MMP16: variants seen among roughly 807,000 people sequenced by gnomAD.
MMP16 encodes matrix metallopeptidase 16.
MMP16 carries 12 observed loss-of-function variants against 67.8 expected under a neutral mutation model. The ratio of observed to expected loss-of-function variants is 0.18; its 90% confidence interval spans 0.11 to 0.29. The LOEUF (loss-of-function observed/expected upper bound fraction) is 0.29, where lower values mean the gene tolerates loss of function less well. Ranked by LOEUF, MMP16 falls within the 10% of genes least tolerant of loss-of-function variation. MMP16 has a pLI of 1.00. For missense variants in MMP16, 475 were observed against 765.7 expected (o/e 0.62, Z 4.48); for synonymous variants, 249 against 255.9 (o/e 0.97, Z 0.26).
At chr8:88,043,725 A>G (rs568702226) in intron 9 of MMP16, among the ~76,000 whole-genome samples, 2 of 152,282 alleles carry the variant, frequency 1.3e-5, no homozygotes, top group South Asian at 2.1e-4. Context: ...ACAGTTTTGC[A>G]ATGAGAGCAA....
intron 1 of MMP16, among the ~76,000 whole-genome samples, chr8:88,300,245 T>C (rs1811077120): frequency 2.0e-5 from 3 of 152,206 alleles, no homozygotes; most frequent in Admixed American, 1.3e-4. Flanking sequence ...TCATACTTTC[T>C]ATGTTAAATA....
intron 1 of MMP16, among the ~76,000 whole-genome samples, chr8:88,231,887 A>C (rs1478402814): frequency 6.6e-6 from 1 of 152,212 alleles, no homozygotes; most frequent in Non-Finnish European, 1.5e-5. Context: ...TTTATGTTAT[A>C]ATCTTGAAAA....
intron 9 of MMP16, among the ~76,000 whole-genome samples, chr8:88,042,684 T>C (rs1808148604): frequency 6.6e-6 from 1 of 152,166 alleles, no homozygotes; most frequent in South Asian, 2.1e-4. Context: ...TGTGGGAGGC[T>C]CAAGTAACTC....
intron 1 of MMP16, among the ~76,000 whole-genome samples, chr8:88,294,701 T>C (rs1810986150): frequency 6.6e-6 from 1 of 152,084 alleles, no homozygotes; most frequent in African/African-American, 2.4e-5. Context: ...AATATTAGAA[T>C]TGATTTATTT....
chr8:88,258,428 A>C (rs1172983621), intron 1 of MMP16, among the ~76,000 whole-genome samples: 1 of 152,166 alleles, frequency 6.6e-6, no homozygotes, highest in Non-Finnish European at 1.5e-5. Context: ...ATGCCTGTCT[A>C]ATGCCATATC....
chr8:88,183,342 ACT>A (rs907187019), intron 3 of MMP16, among the ~76,000 whole-genome samples: 140 of 152,084 alleles, frequency 9.2e-4, no homozygotes, highest in African/African-American at 3.2e-3. Context: ...AACTCTGTGA[ACT>A]CTCTGTACTA....
intron 1 of MMP16, among the ~76,000 whole-genome samples, chr8:88,199,892 T>G (rs1338688986): frequency 6.6e-6 from 1 of 152,032 alleles, no homozygotes; most frequent in African/African-American, 2.4e-5. Context: ...TGTGCCTTAA[T>G]GTCTTTTCAA....
intron 5 of MMP16, 77 bp from the exon 6 acceptor site, chr8:88,116,795 C>T: frequency 7.8e-7 from 1 of 1,283,954 alleles, no homozygotes; most frequent in Non-Finnish European, 1.1e-6. Flanking sequence ...AGAGAACAAT[C>T]ACTTATCAGC....
At chr8:88,093,431 T>C (rs1174727386) in intron 6 of MMP16, among the ~76,000 whole-genome samples, 1 of 151,796 alleles carries the variant, frequency 6.6e-6, no homozygotes, top group African/African-American at 2.4e-5. Flanking sequence ...TGTTCAGTGA[T>C]TCCTTTTAAG....
chr8:88,123,040 G>A (rs1807866680), intron 4 of MMP16, among the ~76,000 whole-genome samples: 2 of 151,836 alleles, frequency 1.3e-5, no homozygotes, highest in African/African-American at 4.8e-5. Context: ...ACCTGGCTAA[G>A]CTGCTCCTGG....
At chr8:88,317,512 T>G (rs1163232581) in intron 1 of MMP16, among the ~76,000 whole-genome samples, 1 of 152,226 alleles carries the variant, frequency 6.6e-6, no homozygotes, top group Non-Finnish European at 1.5e-5. Flanking sequence ...ATAACTTTTA[T>G]ATGCACTGGG....
intron 1 of MMP16, among the ~76,000 whole-genome samples, chr8:88,283,646 TCA>T (rs1422803918): frequency 6.6e-6 from 1 of 152,144 alleles, no homozygotes; most frequent in Non-Finnish European, 1.5e-5. Context: ...TCTAAAATCC[TCA>T]CCTCCACTGA....
At chr8:88,049,783 G>A (rs1454289917) in intron 8 of MMP16, among the ~76,000 whole-genome samples, 6 of 152,152 alleles carry the variant, frequency 3.9e-5, no homozygotes, top group Non-Finnish European at 7.4e-5. Flanking sequence ...CAGCACTTTG[G>A]GAGGCCAAGA....
At chr8:88,077,211 C>T (rs1358858984) in intron 6 of MMP16, among the ~76,000 whole-genome samples, 1 of 152,166 alleles carries the variant, frequency 6.6e-6, no homozygotes, top group African/African-American at 2.4e-5. Flanking sequence ...TCAACTTATC[C>T]TCAGTTTAGC....
At chr8:88,285,842 G>A (rs148262661) in intron 1 of MMP16, among the ~76,000 whole-genome samples, 14 of 152,036 alleles carry the variant, frequency 9.2e-5, no homozygotes, top group African/African-American at 2.9e-4. Flanking sequence ...TTTTACTAAC[G>A]GCTTTTAAAC....
intron 6 of MMP16, among the ~76,000 whole-genome samples, chr8:88,100,945 G>C (rs1017728490): frequency 1.4e-5 from 2 of 147,132 alleles, no homozygotes; most frequent in African/African-American, 5.0e-5. Flanking sequence ...CTTGGACACA[G>C]GAAGGGGAAC....
At chr8:88,325,195 A>C (rs567739052) in intron 1 of MMP16, among the ~76,000 whole-genome samples, 1 of 152,348 alleles carries the variant, frequency 6.6e-6, no homozygotes, top group African/African-American at 2.4e-5. Context: ...AAATTAAATA[A>C]AATTTGTTAG....
chr8:88,232,079 T>C (rs1425009870), intron 1 of MMP16, among the ~76,000 whole-genome samples: 1 of 152,150 alleles, frequency 6.6e-6, no homozygotes, highest in Non-Finnish European at 1.5e-5. Flanking sequence ...GAGGTTATCA[T>C]ACATTTACTT....
At chr8:88,123,681 G>T (rs552444267) in intron 4 of MMP16, among the ~76,000 whole-genome samples, 1 of 151,824 alleles carries the variant, frequency 6.6e-6, no homozygotes, top group Non-Finnish European at 1.5e-5. Flanking sequence ...GCTCTCAGAG[G>T]CTATGGAACT....
Sources: gnomAD v4.1 joint callset for allele counts (sites outside exome capture counted in the v4.1 genomes callset) on GRCh38, gnomAD v4.1.1 for gene constraint, MANE v1.5 for transcripts, NCBI Gene and HGNC (gene_info 2026-07-23, HGNC 2026-07-21) for gene names.